Variants in ENKUR observed in about 807,000 individuals in gnomAD.
ENKUR encodes the protein enkurin, TRPC channel interacting protein.
ENKUR carries 19 observed loss-of-function variants against 27.6 expected under a neutral mutation model. That is an observed-to-expected ratio of 0.69 (90% CI 0.48 to 1.01). The LOEUF (loss-of-function observed/expected upper bound fraction) is 1.01, where lower values mean the gene tolerates loss of function less well. Among genes scored for constraint, ENKUR ranks in the 50% least tolerant of loss-of-function variants. The probability of loss-of-function intolerance (pLI) is 0.00; values close to 1 mark genes in which losing one functional copy is unlikely to be tolerated. For synonymous variants in ENKUR, 117 were observed against 96.9 expected (o/e 1.21, Z -1.22); for missense variants, 312 against 310.5 (o/e 1.00, Z -0.04).
upstream of ENKUR, among the ~76,000 whole-genome samples, chr10:25,019,368 G>A (rs566771122): frequency 9.5e-4 from 144 of 152,290 alleles, no homozygotes; most frequent in African/African-American, 3.4e-3. Context: ...CAGCTACTTG[G>A]GAGGCTGAGG....
At position 25,028,864 on chromosome 10, in the gene ENKUR, T is replaced by C. The variant is rs183264170; in HGVS notation, c.37+32248A>G. On this transcript the variant is annotated intron_variant, in intron 2 of 5. Transcript: ENST00000615958. ...TAACTACATCATACATTTTCTGTTA[T>C]TCATTCCCTTTCTCATAGTTCTGCA... Among the ~76,000 whole-genome samples, 78 of 152,348 alleles carry C rather than the reference T, an allele frequency of 5.1e-4. No homozygotes were observed. In the East Asian group the frequency reaches 0.015, roughly 29 times the overall value.
chr10:25,033,828 T>TATCTATC (rs1400580371), intron 2 of ENKUR, among the ~76,000 whole-genome samples: 136 of 60,240 alleles, frequency 2.3e-3, no homozygotes, highest in Non-Finnish European at 2.2e-3. Flanking sequence ...TGTGTGTGTC[T>TATCTATC]ATCTATCTAT....
upstream of ENKUR, among the ~76,000 whole-genome samples, chr10:25,018,572 G>C (rs1850655689): frequency 6.6e-6 from 1 of 151,188 alleles, no homozygotes; most frequent in Non-Finnish European, 1.5e-5. Flanking sequence ...TGGTGGGCCA[G>C]ATTTAGCCTG....
intron 1 of ENKUR, chr10:25,062,069 G>A (rs1184740467): frequency 6.6e-6 from 1 of 152,176 alleles, no homozygotes; most frequent in Non-Finnish European, 1.5e-5. Context: ...TCTAAAAGCA[G>A]GATCTCGACA....
At chr10:25,008,662 G>A (rs1464135683) in intron 1 of ENKUR, among the ~76,000 whole-genome samples, 1 of 152,142 alleles carries the variant, frequency 6.6e-6, no homozygotes, top group African/African-American at 2.4e-5. Context: ...ACTGTTGGTG[G>A]GACTGTCAAC....
rs764379514 is a variant in ENKUR at position 24,995,645 on chromosome 10, C to T, written c.447+1G>A. On this transcript the variant is annotated splice_donor_variant, in intron 3 of 5. Coordinates refer to ENST00000331161, the MANE Select transcript of ENKUR (RefSeq NM_145010.4). LOFTEE classifies it high-confidence loss of function. ...CTCTTATTAATATACCACAAGGCTA[C>T]CTTTTTATTGATGTACTTTGGAACT... 1.9e-6 allele frequency: 3 copies of T among 1,607,550 alleles called. No homozygotes were observed. The African/African-American group carries it at 4.0e-5, about 22-fold the overall frequency.
chr10:24,995,682 C>T lies in ENKUR; in HGVS notation c.411G>A (p.Glu137=), dbSNP rs1314326164. The T allele has an allele frequency of 3.7e-6, 6 of 1,613,856 alleles. No individual in the cohort carries two copies. Among genetic ancestry groups the T allele is most frequent in the African/African-American group, 1.3e-5 (1 of 74,910 alleles). The stretch of plus-strand genomic sequence containing the variant: ...TGTACTTTGGAACTAGTCCTGAAGG[C>T]TCAAGATCATGCTTGTCTCCAGTTC... The part of the protein sequence containing the change: ...DKRTGDKHDL[E]PSGLVPKYIN... The change falls in exon 3 of 6, where the codon GAG becomes GAA. Residue 137 remains glutamate (E), a synonymous_variant. Coordinates refer to ENST00000331161, the MANE Select transcript of ENKUR (RefSeq NM_145010.4).
chr10:25,022,571 C>G (rs1050239236), intron 2 of ENKUR, among the ~76,000 whole-genome samples: 1 of 152,032 alleles, frequency 6.6e-6, no homozygotes, highest in African/African-American at 2.4e-5. Context: ...AATGTCATAC[C>G]TTTGTCCTGT....
chr10:24,994,210 T>C (rs1272492709), intron 3 of ENKUR, among the ~76,000 whole-genome samples: 1 of 152,128 alleles, frequency 6.6e-6, no homozygotes, highest in African/African-American at 2.4e-5. Context: ...ATTTCTTTTC[T>C]TTTTTTCTTT....
intron 2 of ENKUR, chr10:25,025,664 G>T (rs1850836483): frequency 1.8e-6 from 1 of 547,514 alleles, no homozygotes; most frequent in Non-Finnish European, 3.3e-6. Context: ...GTAACACAGT[G>T]CACGGACCTT....
Position 25,054,442 on chromosome 10 carries a change from A to G in ENKUR, c.37+6670T>C, listed in dbSNP as rs1265089626. Among the ~76,000 whole-genome samples the G allele has an allele frequency of 2.0e-5, 3 of 146,396 alleles. No homozygotes were observed. In the East Asian group the frequency reaches 6.2e-4, roughly 30 times the overall value. On this transcript the variant is annotated intron_variant, in intron 2 of 5. Coordinates refer to the ENKUR transcript ENST00000615958. ...CGTCTCAAATAAACAAATAAATAGA[A>G]TGGTGTTTTTTCTCTTTTCTTTCTT...
upstream of ENKUR, among the ~76,000 whole-genome samples, chr10:25,019,761 T>C: frequency 6.6e-6 from 1 of 152,184 alleles, no homozygotes; most frequent in East Asian, 1.9e-4. Flanking sequence ...GTTAAACACA[T>C]GAAAGAGAAG....
chr10:25,005,039 T>C (rs1303622580), intron 1 of ENKUR, among the ~76,000 whole-genome samples: 1 of 152,184 alleles, frequency 6.6e-6, no homozygotes, highest in East Asian at 1.9e-4. Flanking sequence ...TGCTTGTGTT[T>C]GTCGGGTTTG....
intron 1 of ENKUR, among the ~76,000 whole-genome samples, chr10:25,009,841 G>T (rs924404504): frequency 2.0e-5 from 3 of 152,256 alleles, no homozygotes; most frequent in South Asian, 2.1e-4. Context: ...ATGTGACTTT[G>T]TTCCTCCTTC....
At chr10:24,991,348 G>A (rs999785773) in intron 3 of ENKUR, among the ~76,000 whole-genome samples, 4 of 152,012 alleles carry the variant, frequency 2.6e-5, no homozygotes, top group South Asian at 4.2e-4. Flanking sequence ...TCGTGGTCTC[G>A]TTAAAGAAAA....
intron 2 of ENKUR, among the ~76,000 whole-genome samples, chr10:25,034,288 A>T (rs1850976561): frequency 6.6e-6 from 1 of 152,162 alleles, no homozygotes; most frequent in South Asian, 2.1e-4. Flanking sequence ...ACATGGTATT[A>T]CCTTTCTAAA....
At chr10:24,992,003 T>C (rs1849939986) in intron 3 of ENKUR, among the ~76,000 whole-genome samples, 1 of 152,172 alleles carries the variant, frequency 6.6e-6, no homozygotes, top group Non-Finnish European at 1.5e-5. Flanking sequence ...AGCCCTATGG[T>C]ACACTCTGCG....
chr10:24,993,267 G>A (rs1564336651), intron 3 of ENKUR, among the ~76,000 whole-genome samples: 2 of 152,156 alleles, frequency 1.3e-5, no homozygotes, highest in Non-Finnish European at 2.9e-5. Context: ...AATGCATACT[G>A]TTAATAAAAT....
At chr10:25,020,657 C>T (rs955742202), upstream of ENKUR, among the ~76,000 whole-genome samples, 1 of 151,728 alleles carries the variant, frequency 6.6e-6, no homozygotes, top group African/African-American at 2.4e-5. Flanking sequence ...GGGAGGATCA[C>T]CTGAGCCCAG....
Sources: allele counts gnomAD v4.1 joint callset (sites outside exome capture counted in the v4.1 genomes callset), GRCh38; gene constraint gnomAD v4.1.1; transcripts MANE v1.5; gene names NCBI Gene and HGNC (gene_info 2026-07-23, HGNC 2026-07-21).